The following RPAP1 variants were observed in gnomAD, a reference collection of about 807,000 sequenced individuals.
RPAP1 encodes RNA polymerase II-associated protein 1.
Under a neutral mutation model 142.4 loss-of-function variants are expected in RPAP1, and 109 were observed. The ratio of observed to expected loss-of-function variants is 0.77; its 90% CI spans 0.66 to 0.90. RPAP1 has a LOEUF of 0.90. Among genes scored for constraint, RPAP1 ranks in the 40% least tolerant of loss-of-function variants. The pLI, the probability that RPAP1 is intolerant of heterozygous loss-of-function variation, is 0.00. For synonymous variants in RPAP1, 704 were observed against 738.9 expected (o/e 0.95, Z 0.77); for missense variants, 1,546 against 1,751.7 (o/e 0.88, Z 2.10).
intron 9 of RPAP1, among the ~76,000 whole-genome samples, chr15:41,528,722 T>G (rs1307779220): frequency 6.6e-6 from 1 of 151,766 alleles, no homozygotes; most frequent in East Asian, 1.9e-4. Flanking sequence ...AGCAGAGTGG[T>G]GTAGCAGGAA....
rs746159034 is a variant in RPAP1, at chr15:41,517,823, T to G, written c.4007A>C (p.Gln1336Pro). 1.9e-6 allele frequency: 3 copies of G among 1,614,088 alleles called. No homozygotes were observed. Among genetic ancestry groups the G allele is most frequent in the South Asian group, 2.2e-5 (2 of 91,090 alleles). Residue 1336 changes from glutamine to proline, a missense_variant, in exon 24 of 25, where the codon CAG becomes CCG. By Grantham distance (76) the Gln-to-Pro change is moderately conservative. Around this residue, in one of 3 missense-constraint regions of RPAP1, gnomAD observed 210 missense variants for 248.0 expected, o/e 0.85. Coordinates refer to ENST00000304330, the MANE Select transcript of RPAP1 (RefSeq NM_015540.4). ...EVKAARRSML[Q>P]KTWLLADEGL... ...CTCATCTGCCAGCAGCCATGTTTTC[T>G]GCAGCATACTCCTGCGGGCAGCTTT...
intron 22 of RPAP1, chr15:41,519,598 T>G (rs1007442413): frequency 6.6e-6 from 1 of 152,188 alleles, no homozygotes; most frequent in Non-Finnish European, 1.5e-5. Flanking sequence ...TTTTTAGCCT[T>G]AAGTTCCCAA....
At chr15:41,519,855 T>C (rs2051705512) in intron 22 of RPAP1, 1 of 161,146 alleles carries the variant, frequency 6.2e-6, no homozygotes, top group South Asian at 1.7e-4. Context: ...CTTATCTAGA[T>C]TGTAGCACTG....
In RPAP1 at chr15:41,535,536, C is replaced by A; in HGVS notation, c.517G>T (p.Val173Leu). The A allele has an allele frequency of 6.2e-7, 1 of 1,612,712 alleles. No individual in the cohort carries two copies. The highest frequency in any genetic ancestry group is 2.2e-5 in the East Asian group (1 of 44,802). The change falls in exon 5 of 25, where the codon GTG becomes TTG. Residue 173 changes from valine (V) to leucine (L), a missense_variant. Around this residue, in one of 3 missense-constraint regions of RPAP1, gnomAD observed 1,333 missense variants for 1,486.6 expected, o/e 0.90. Transcript: ENST00000304330. ...EAKGPSVGEV[V>L]PNVGPPEGAV... ...CCCTCTGGTGGGCCCACGTTGGGCA[C>A]AACTTCCCCAACTGATGGGCCCTTG...
chr15:41,517,489 TG>T lies in RPAP1; in HGVS notation c.*52del, dbSNP rs1167511009. 5 of 1,460,208 alleles carry T rather than the reference TG, an allele frequency of 3.4e-6. No individual in the cohort carries two copies. The highest frequency in any genetic ancestry group is 4.6e-6 in the Non-Finnish European group (5 of 1,085,452). The allele number at this position is 1,460,208 out of a possible 1,614,324, so 90.5% of individuals were successfully genotyped here. ...GTTCTTCGTCTGGCCAGACATCTGT[TG>T]AAAGGCTGGATACAGGACAACGTAC... On this transcript the variant is annotated 3_prime_UTR_variant, in exon 25 of 25. Coordinates refer to ENST00000304330, the MANE Select transcript of RPAP1 (RefSeq NM_015540.4).
chr15:41,537,682 G>C (rs2051925695), intron 1 of RPAP1, among the ~76,000 whole-genome samples: 1 of 152,028 alleles, frequency 6.6e-6, no homozygotes, highest in African/African-American at 2.4e-5. Context: ...AGGAGTTCAA[G>C]ACCAGCCTGG....
At chr15:41,521,631 G>T in intron 21 of RPAP1, 107 bp downstream of exon 21, 1 of 1,293,228 alleles carries the variant, frequency 7.7e-7, no homozygotes, top group Non-Finnish European at 1.1e-6. Flanking sequence ...TGTCGTCGGT[G>T]GAAGAAAGAG....
At chr15:41,543,599 A>C (rs2051992038) in intron 1 of RPAP1, among the ~76,000 whole-genome samples, 1 of 152,150 alleles carries the variant, frequency 6.6e-6, no homozygotes, top group Non-Finnish European at 1.5e-5. Flanking sequence ...GATTTAAATG[A>C]CTATACACGC....
chr15:41,536,324 G>A (rs773851877), intron 3 of RPAP1, 106 bp from the exon 4 acceptor site: 127 of 1,312,766 alleles, frequency 9.7e-5, no homozygotes, highest in Non-Finnish European at 1.3e-4. Flanking sequence ...CACTCTGGGG[G>A]GTTACGGACC....
In RPAP1 at chr15:41,518,068, G is replaced by A; in HGVS notation, c.3910C>T (p.Leu1304Phe). ...ACATGAGCCACAGCCACAGCATAGA[G>A]CACGGGGCACCAACGTGGGCGGAGC... ...GALRPRWCPV[L>F]YAVAVAHVNS... The change falls in exon 23 of 25, where the codon CTC (leucine) becomes TTC (phenylalanine). Residue 1304 changes from leucine to phenylalanine, a missense_variant. Physicochemically the swap from Leu to Phe is conservative, Grantham distance 22. Transcript: ENST00000304330. The A allele has an allele frequency of 6.2e-7, 1 of 1,613,058 alleles. No individual in the cohort carries two copies.
rs140985445 is a variant in RPAP1 at position 41,530,874 on chromosome 15, T to C, written c.943+149A>G. 7 of 737,384 alleles carry C rather than the reference T, an allele frequency of 9.5e-6. No individual in the cohort carries two copies. In the South Asian group the frequency reaches 1.3e-4, roughly 13 times the overall value. The allele number at this position is 737,384 out of a possible 1,614,324, so 45.7% of individuals were successfully genotyped here. On this transcript the variant is annotated intron_variant, in intron 7 of 24. Coordinates refer to ENST00000304330, the MANE Select transcript of RPAP1 (RefSeq NM_015540.4). ...GCAGGAAGAAGACATGCATCAGCAA[T>C]GAAGACTGACTTGAAGCCAATAATG...
rs150220874 is a variant in RPAP1, at chr15:41,520,709, G to A, written c.3477C>T (p.Leu1159=). The change falls in exon 22 of 25, where the codon CTC becomes CTT. Residue 1159 remains leucine, a synonymous_variant. Transcript: ENST00000304330. ...AVPPAARLAR[L]MCVFLVDSEL... is the part of the protein sequence containing the mutation. ...CACTGTCCACCAGGAACACACACAT[G>A]AGCCGTGCCAGGCGGGCAGCAGGGG... is the stretch of plus-strand genomic sequence containing the variant. 271 of 1,614,088 alleles carry A rather than the reference G, an allele frequency of 1.7e-4. No homozygotes were observed. The African/African-American group carries it at 3.1e-3, about 19-fold the overall frequency.
chr15:41,535,486 C>A (rs779459805), intron 5 of RPAP1, 26 bp downstream of exon 5: 2 of 1,585,878 alleles, frequency 1.3e-6, no homozygotes, highest in Middle Eastern at 2.0e-4. Context: ...AAAGGCCAAG[C>A]CCAATCCTCT....
In RPAP1 at chr15:41,518,139, T is replaced by C; in HGVS notation, c.3839A>G (p.Asn1280Ser). The C allele has an allele frequency of 6.3e-7, 1 of 1,596,248 alleles. No individual in the cohort carries two copies. Among genetic ancestry groups the C allele is most frequent in the Non-Finnish European group, 8.5e-7 (1 of 1,174,880 alleles). ...LECYTVPPED[N>S]LALLQLYFRT... is the part of the protein sequence containing the mutation. ...GAAGTAGAGCTGAAGGAGGGCCAGG[T>C]TGTCTTCAGGAGGCACTGTGTAACA... The change falls in exon 23 of 25, where the codon AAC becomes AGC. Residue 1280 changes from asparagine to serine, a missense_variant. Asn to Ser is a conservative substitution (Grantham distance 46, BLOSUM62 1). Coordinates refer to ENST00000304330, the MANE Select transcript of RPAP1 (RefSeq NM_015540.4).
rs984586459 is a variant in RPAP1, at chr15:41,517,475, G to A, written c.*67C>T. 7 of 1,388,450 alleles carry A rather than the reference G, an allele frequency of 5.0e-6. No homozygotes were observed. Among genetic ancestry groups the A allele is most frequent in the Middle Eastern group, 1.9e-4 (1 of 5,388 alleles). The allele number at this position is 1,388,450 out of a possible 1,614,324, so 86.0% of individuals were successfully genotyped here. ...CATTAGGACACAATGTTCTTCGTCT[G>A]GCCAGACATCTGTTGAAAGGCTGGA... is the stretch of plus-strand genomic sequence containing the variant. On this transcript the variant is annotated 3_prime_UTR_variant, in exon 25 of 25. Coordinates refer to ENST00000304330, the MANE Select transcript of RPAP1 (RefSeq NM_015540.4).
chr15:41,523,870 C>A lies in RPAP1; in HGVS notation c.2337G>T (p.Leu779Phe). ...ACATCTCAGGTCTGGACAGCAACTT[C>A]AAGGTCTGCCTTAGACACGGCTCAA... is the stretch of plus-strand genomic sequence containing the variant. ...PLVEPCLRQT[L>F]KLLSRPEMWR... is the part of the protein sequence containing the mutation. The change falls in exon 17 of 25, where the codon TTG becomes TTT. Residue 779 changes from leucine (L) to phenylalanine (F), a missense_variant. By Grantham distance (22) the Leu-to-Phe change is conservative (BLOSUM62 0). This residue lies in a region of RPAP1 where 1,333 missense variants were observed against 1,486.6 expected (regional missense o/e 0.90). Coordinates refer to ENST00000304330, the MANE Select transcript of RPAP1 (RefSeq NM_015540.4). 1 of 1,607,922 alleles carries A rather than the reference C, an allele frequency of 6.2e-7. No homozygotes were observed. The highest frequency in any genetic ancestry group is 2.2e-5 in the East Asian group (1 of 44,690).
Position 41,534,954 on chromosome 15 carries a change from C to A in RPAP1, c.542-19G>T. The A allele has an allele frequency of 1.2e-6, 2 of 1,610,194 alleles. No individual in the cohort carries two copies. The highest frequency in any genetic ancestry group is 2.2e-5 in the East Asian group (1 of 44,870). ...ACGGCACCTGGAAGAAAGGTATGAT[C>A]ACATTCATTGCTCTGTCCTCCAGGG... On this transcript the variant is annotated intron_variant, in intron 5 of 24. Coordinates refer to ENST00000304330, the MANE Select transcript of RPAP1 (RefSeq NM_015540.4).
At chr15:41,523,488 G>T in intron 17 of RPAP1, 134 bp from the exon 18 acceptor site, 1 of 664,772 alleles carries the variant, frequency 1.5e-6, no homozygotes. Context: ...TGAGCCTTCT[G>T]AAGGGAGAGA....
At chr15:41,543,718 T>TGCTG (rs2140797629) in intron 1 of RPAP1, among the ~76,000 whole-genome samples, 2 of 152,308 alleles carry the variant, frequency 1.3e-5, no homozygotes, top group East Asian at 3.9e-4. Context: ...AGCGCAGATT[T>TGCTG]GTCCAGAACC....
Sources: gnomAD v4.1 joint callset for allele counts (sites outside exome capture counted in the v4.1 genomes callset) on GRCh38, gnomAD v4.1.1 for gene constraint, gnomAD v4.1.1 regional missense constraint, MANE v1.5 for transcripts, NCBI Gene and HGNC (gene_info 2026-07-23, HGNC 2026-07-21) for gene names.